Variants in DLGAP2 observed in about 807,000 individuals in gnomAD.
DLGAP2 encodes DLG associated protein 2.
DLGAP2 carries 26 observed loss-of-function variants against 100.3 expected under a neutral mutation model. The observed-to-expected ratio is 0.26, with a 90% CI of 0.19 to 0.36. The LOEUF is 0.36. DLGAP2 is among the 10% of genes least tolerant of loss of function. The probability of loss-of-function intolerance (pLI) is 1.00; values close to 1 mark genes in which losing one functional copy is unlikely to be tolerated. For synonymous variants in DLGAP2, 886 were observed against 630.1 expected, an observed-to-expected ratio of 1.41 and a Z score of -6.08; for missense variants, 1,858 against 1,453.2, an observed-to-expected ratio of 1.28 and a Z score of -4.53.
intron 3 of DLGAP2, among the ~76,000 whole-genome samples, chr8:1,276,064 TAAATA>T (rs1799687379): frequency 7.3e-6 from 1 of 136,962 alleles, no homozygotes; most frequent in African/African-American, 2.8e-5. Flanking sequence ...TATATAAAAA[TAAATA>T]TATAATATAT....
chr8:1,519,480 C>T (rs991111051), intron 4 of DLGAP2, among the ~76,000 whole-genome samples: 3 of 152,208 alleles, frequency 2.0e-5, no homozygotes, highest in Non-Finnish European at 2.9e-5. Context: ...ACTGATAAAG[C>T]TCTCTTTTCA....
At chr8:949,707 C>T (rs575555139) in intron 2 of DLGAP2, among the ~76,000 whole-genome samples, 2 of 152,308 alleles carry the variant, frequency 1.3e-5, no homozygotes, top group Admixed American at 1.3e-4. Flanking sequence ...CCCGGTTGTC[C>T]TCAGGTCAGT....
rs377112351 is a variant in DLGAP2, at chr8:1,470,345, G to C, written c.107-31021G>C. 6.6e-5 allele frequency among the ~76,000 whole-genome samples: 10 copies of C among 152,272 alleles called. No homozygotes were observed. In the East Asian group the frequency reaches 1.9e-3, roughly 29 times the overall value. On this transcript the variant is annotated intron_variant, in intron 3 of 14. Coordinates refer to ENST00000637795, the MANE Select transcript of DLGAP2 (RefSeq NM_001346810.2). Reference sequence around the variant, plus strand: ...CATCCCTCAGCTGGTGCCACCAAGTGAGCCCCGCTGGTTCCTTACAACCTG... The same window carrying C: ...CATCCCTCAGCTGGTGCCACCAAGTCAGCCCCGCTGGTTCCTTACAACCTG...
intron 2 of DLGAP2, among the ~76,000 whole-genome samples, chr8:999,673 G>T (rs1007516729): frequency 6.6e-6 from 1 of 151,922 alleles, no homozygotes; most frequent in Non-Finnish European, 1.5e-5. Flanking sequence ...TAGAAATGGG[G>T]TTTCACCATG....
At chr8:1,507,444 G>T (rs1799963747) in intron 4 of DLGAP2, among the ~76,000 whole-genome samples, 3 of 152,172 alleles carry the variant, frequency 2.0e-5, no homozygotes, top group African/African-American at 7.2e-5. Context: ...GCCGCTCCAA[G>T]TGCGGGGCCG....
In DLGAP2 at chr8:1,215,739, C is replaced by A. The variant is rs374007574; in HGVS notation, c.74-43112C>A. ...TTCATTTGGGTGCATCACCTGGAGACGTCCAGGTACCTGGATGGGTTCATT... is the reference window on the plus strand; with the variant it reads ...TTCATTTGGGTGCATCACCTGGAGAAGTCCAGGTACCTGGATGGGTTCATT... On this transcript the variant is annotated intron_variant, in intron 2 of 14. Transcript: ENST00000637795. 5.0e-3 allele frequency among the ~76,000 whole-genome samples: 380 copies of A among 75,248 alleles called. 27 individuals are homozygous for A. The highest frequency in any genetic ancestry group is 0.029 in the African/African-American group (277 of 9,624). The allele number at this position is 75,248 out of a possible 152,430, so 49.4% of individuals were successfully genotyped here.
At chr8:918,156 C>G (rs983369466) in intron 2 of DLGAP2, among the ~76,000 whole-genome samples, 1 of 152,088 alleles carries the variant, frequency 6.6e-6, no homozygotes, top group African/African-American at 2.4e-5. Flanking sequence ...GTCTGAATTC[C>G]GAAGGCATTC....
chr8:1,472,383 A>C (rs1252645374), intron 3 of DLGAP2, among the ~76,000 whole-genome samples: 4 of 152,118 alleles, frequency 2.6e-5, no homozygotes, highest in African/African-American at 9.7e-5. Flanking sequence ...TGGCCCTTGC[A>C]GTTGGTTTTG....
At chr8:1,571,600 A>G (rs1286519119) in intron 6 of DLGAP2, among the ~76,000 whole-genome samples, 3 of 84,418 alleles carry the variant, frequency 3.6e-5, no homozygotes, top group South Asian at 4.7e-4. Flanking sequence ...CTGGAGGGGC[A>G]TCTTCTGGGA....
intron 3 of DLGAP2, among the ~76,000 whole-genome samples, chr8:1,325,906 T>A (rs974225762): frequency 6.6e-6 from 1 of 152,190 alleles, no homozygotes; most frequent in Non-Finnish European, 1.5e-5. Flanking sequence ...TTTTGTAATC[T>A]TTATTGTAGT....
chr8:778,291 G>A (rs935939336), intron 1 of DLGAP2, among the ~76,000 whole-genome samples: 11 of 152,050 alleles, frequency 7.2e-5, no homozygotes, highest in South Asian at 2.1e-4. Flanking sequence ...TTTGGTTTGC[G>A]TGTCCTCTCG....
chr8:1,138,268 G>C (rs1457014158), intron 2 of DLGAP2, among the ~76,000 whole-genome samples: 2 of 152,194 alleles, frequency 1.3e-5, no homozygotes, highest in Non-Finnish European at 2.9e-5. Flanking sequence ...CAGGAGCCTA[G>C]GTTTCCCCTG....
intron 9 of DLGAP2, among the ~76,000 whole-genome samples, chr8:1,668,934 C>G (rs1798618325): frequency 6.9e-6 from 1 of 144,698 alleles, no homozygotes; most frequent in Non-Finnish European, 1.5e-5. Flanking sequence ...TCCCTGTCCC[C>G]TGCCACCCTG....
chr8:1,365,865 C>T (rs1157625324), intron 3 of DLGAP2, among the ~76,000 whole-genome samples: 2 of 152,250 alleles, frequency 1.3e-5, no homozygotes, highest in East Asian at 1.9e-4. Context: ...AGTGTCACCT[C>T]TCTCTAACTC....
At chr8:1,496,792 G>C (rs190385004) in intron 3 of DLGAP2, among the ~76,000 whole-genome samples, 1 of 152,112 alleles carries the variant, frequency 6.6e-6, no homozygotes, top group East Asian at 1.9e-4. Flanking sequence ...CCGAGGCACC[G>C]CACACGCCAT....
At chr8:1,340,820 C>T (rs191177272) in intron 3 of DLGAP2, among the ~76,000 whole-genome samples, 28 of 152,186 alleles carry the variant, frequency 1.8e-4, no homozygotes, top group East Asian at 1.7e-3. Flanking sequence ...ATAGCAGAGA[C>T]GTGGAATCAA....
At chr8:1,116,956 G>A (rs148346609) in intron 2 of DLGAP2, among the ~76,000 whole-genome samples, 187 of 152,332 alleles carry the variant, frequency 1.2e-3, no homozygotes, top group African/African-American at 4.3e-3. Flanking sequence ...GGCTTCCTCT[G>A]CGGAAGGGAG....
At chr8:1,217,210 A>G (rs1798231995) in intron 2 of DLGAP2, among the ~76,000 whole-genome samples, 1 of 152,084 alleles carries the variant, frequency 6.6e-6, no homozygotes, top group African/African-American at 2.4e-5. Flanking sequence ...AACATGGAGT[A>G]TTTAGTTTTC....
intron 2 of DLGAP2, among the ~76,000 whole-genome samples, chr8:1,210,609 G>A (rs1401239056): frequency 6.6e-6 from 1 of 152,190 alleles, no homozygotes; most frequent in African/African-American, 2.4e-5. Flanking sequence ...TGGCATGGAG[G>A]GGCTCCCTCT....
Sources: allele counts gnomAD v4.1 joint callset (sites outside exome capture counted in the v4.1 genomes callset), GRCh38; gene constraint gnomAD v4.1.1; transcripts MANE v1.5; gene names NCBI Gene and HGNC (gene_info 2026-07-23, HGNC 2026-07-21).